CENPP: variants seen among roughly 807,000 people sequenced by gnomAD.
CENPP encodes the protein centromere protein P.
A neutral mutation model predicts 35.6 loss-of-function variants in CENPP; 24 were observed. The ratio of observed to expected loss-of-function variants is 0.67; its 90% confidence interval spans 0.49 to 0.95. The LOEUF (loss-of-function observed/expected upper bound fraction) is 0.95, where lower values mean the gene tolerates loss of function less well. Ranked by LOEUF, CENPP falls within the 40% of genes least tolerant of loss-of-function variation. CENPP has a pLI of 0.00. For synonymous variants in CENPP, 120 were observed against 125.5 expected (o/e 0.96, Z 0.29); for missense variants, 332 against 345.3 (o/e 0.96, Z 0.31).
chr9:92,582,369 T>C (rs1850447958), intron 5 of CENPP, among the ~76,000 whole-genome samples: 1 of 152,056 alleles, frequency 6.6e-6, no homozygotes, highest in African/African-American at 2.4e-5. Context: ...AAAGACACAG[T>C]TTTAAAAAGC....
chr9:92,487,623 T>A (rs928369486), intron 5 of CENPP, among the ~76,000 whole-genome samples: 1 of 152,114 alleles, frequency 6.6e-6, no homozygotes, highest in Non-Finnish European at 1.5e-5. Context: ...CTAAAACAAT[T>A]AAGTCAGCAT....
chr9:92,416,275 T>C (rs1455028486), intron 5 of CENPP, among the ~76,000 whole-genome samples: 1 of 151,610 alleles, frequency 6.6e-6, no homozygotes, highest in East Asian at 1.9e-4. Flanking sequence ...AATTTTTCTA[T>C]TTTTGGTAGA....
At chr9:92,599,813 T>C (rs1198172877) in intron 5 of CENPP, among the ~76,000 whole-genome samples, 4 of 152,164 alleles carry the variant, frequency 2.6e-5, no homozygotes, top group African/African-American at 9.7e-5. Flanking sequence ...CCACTAGATG[T>C]TTCTCCATTT....
chr9:92,567,367 AAGAT>A (rs1179852469), intron 5 of CENPP, among the ~76,000 whole-genome samples: 3,245 of 103,696 alleles, frequency 0.031, 75 homozygotes, highest in Middle Eastern at 0.05. Context: ...ACAGTTACAT[AAGAT>A]AGATATATAT....
chr9:92,399,041 C>T (rs563340703), intron 5 of CENPP, among the ~76,000 whole-genome samples: 6 of 149,018 alleles, frequency 4.0e-5, no homozygotes, highest in South Asian at 4.2e-4. Context: ...AGTCTGAGAG[C>T]GAGACTCTGT....
intron 5 of CENPP, among the ~76,000 whole-genome samples, chr9:92,405,848 A>G (rs1271462907): frequency 1.3e-5 from 2 of 152,192 alleles, no homozygotes; most frequent in African/African-American, 4.8e-5. Flanking sequence ...ATTAGCATTC[A>G]CTCATTTAAT....
At chr9:92,396,675 C>T (rs1476790018) in intron 5 of CENPP, among the ~76,000 whole-genome samples, 2 of 151,662 alleles carry the variant, frequency 1.3e-5, no homozygotes, top group Non-Finnish European at 2.9e-5. Context: ...AGCGATCCTC[C>T]TGCCTCAGCC....
At chr9:92,456,947 G>A (rs1424019378) in intron 5 of CENPP, 4 of 1,069,386 alleles carry the variant, frequency 3.7e-6, no homozygotes, top group Non-Finnish European at 1.1e-6. Context: ...TCCATTTACA[G>A]TACAGTTCTT....
intron 5 of CENPP, among the ~76,000 whole-genome samples, chr9:92,592,767 C>T (rs1013303275): frequency 1.3e-5 from 2 of 152,216 alleles, no homozygotes; most frequent in African/African-American, 4.8e-5. Flanking sequence ...TGTTTCAACA[C>T]TGGTTTTGTT....
chr9:92,346,713 A>G (rs1841304516), intron 4 of CENPP, among the ~76,000 whole-genome samples: 1 of 152,232 alleles, frequency 6.6e-6, no homozygotes, highest in African/African-American at 2.4e-5. Context: ...CTAGTCTTTT[A>G]AAACAGTTCA....
chr9:92,351,106 G>C (rs1001279649), intron 4 of CENPP, among the ~76,000 whole-genome samples: 5 of 152,110 alleles, frequency 3.3e-5, no homozygotes, highest in Admixed American at 1.3e-4. Flanking sequence ...ACTCAACCAT[G>C]TTAAAGAGTA....
chr9:92,560,929 T>C (rs948003242), intron 5 of CENPP, among the ~76,000 whole-genome samples: 1 of 150,890 alleles, frequency 6.6e-6, no homozygotes, highest in Non-Finnish European at 1.5e-5. Flanking sequence ...TCTGCTCTTC[T>C]ACTTTTCTGA....
chr9:92,472,189 T>TTA lies in CENPP; in HGVS notation c.564+92330_564+92331insTA, dbSNP rs1845546345. ...CCAACATGGTGAAAGAAACCCCGTC[T>TTA]CTACTAAGAATACAAAAATTAGCTG... On this transcript the variant is annotated intron_variant, in intron 5 of 7. Coordinates refer to ENST00000375587, the MANE Select transcript of CENPP (RefSeq NM_001012267.3). Among the ~76,000 whole-genome samples, 6 of 151,040 alleles carry TTA rather than the reference T, an allele frequency of 4.0e-5. No individual in the cohort carries two copies. In the South Asian group the frequency reaches 1.3e-3, roughly 32 times the overall value.
intron 4 of CENPP, among the ~76,000 whole-genome samples, chr9:92,376,221 T>G (rs1001029900): frequency 2.0e-5 from 3 of 152,242 alleles, no homozygotes; most frequent in African/African-American, 7.2e-5. Context: ...TCCCCAAAGA[T>G]TCTCATTCCC....
At chr9:92,412,733 T>C (rs1168055433) in intron 5 of CENPP, among the ~76,000 whole-genome samples, 2 of 152,228 alleles carry the variant, frequency 1.3e-5, no homozygotes, top group Non-Finnish European at 2.9e-5. Flanking sequence ...TATGGATATA[T>C]CACATTTTGT....
intron 5 of CENPP, among the ~76,000 whole-genome samples, chr9:92,597,313 G>A (rs1489470505): frequency 1.3e-5 from 2 of 152,096 alleles, no homozygotes; most frequent in African/African-American, 4.8e-5. Context: ...CTCCAAACGG[G>A]GTGGGGACAG....
intron 5 of CENPP, among the ~76,000 whole-genome samples, chr9:92,560,691 C>G (rs1588276015): frequency 6.6e-6 from 1 of 152,262 alleles, no homozygotes; most frequent in East Asian, 1.9e-4. Flanking sequence ...ATCCCATTCT[C>G]TACTCCATTT....
intron 5 of CENPP, among the ~76,000 whole-genome samples, chr9:92,455,760 A>G (rs1169464934): frequency 1.3e-5 from 2 of 152,246 alleles, no homozygotes; most frequent in African/African-American, 4.8e-5. Flanking sequence ...TATTAATAAC[A>G]TGTATTATTG....
intron 5 of CENPP, among the ~76,000 whole-genome samples, chr9:92,487,033 C>T (rs182736327): frequency 1.6e-3 from 240 of 152,286 alleles, no homozygotes; most frequent in Non-Finnish European, 2.2e-3. Context: ...CTGCTCGCCT[C>T]GGCCTCCCAA....
Sources: allele counts gnomAD v4.1 joint callset (sites outside exome capture counted in the v4.1 genomes callset), GRCh38; gene constraint gnomAD v4.1.1; transcripts MANE v1.5; gene names NCBI Gene and HGNC (gene_info 2026-07-23, HGNC 2026-07-21).